The following ZFHX4 variants were observed in gnomAD, a reference collection of about 807,000 sequenced individuals.
The protein encoded by ZFHX4 is zinc finger homeobox protein 4.
Under a neutral mutation model 267.6 loss-of-function variants are expected in ZFHX4, and 56 were observed. The ratio of observed to expected loss-of-function variants is 0.21; its 90% CI spans 0.17 to 0.26. The LOEUF (loss-of-function observed/expected upper bound fraction) is 0.26. Ranked by LOEUF, ZFHX4 falls within the 10% of genes least tolerant of loss-of-function variation. ZFHX4 has a pLI of 1.00. For synonymous variants in ZFHX4, 1,778 were observed against 1,665.6 expected (o/e 1.07, Z -1.64); for missense variants, 4,332 against 4,420.0 (o/e 0.98, Z 0.56).
chr8:76,784,499 C>A (rs1255757373), intron 4 of ZFHX4, among the ~76,000 whole-genome samples: 3 of 151,950 alleles, frequency 2.0e-5, no homozygotes, highest in Non-Finnish European at 2.9e-5. Flanking sequence ...ATTGCTCTAG[C>A]CATGGGTGAT....
chr8:76,861,161 G>T (rs1313798399), intron 10 of ZFHX4, among the ~76,000 whole-genome samples: 2 of 152,086 alleles, frequency 1.3e-5, no homozygotes, highest in African/African-American at 2.4e-5. Flanking sequence ...TAATGTGTGA[G>T]CCATTCTTCA....
chr8:76,792,976 G>A (rs535379720), intron 4 of ZFHX4, among the ~76,000 whole-genome samples: 5 of 152,266 alleles, frequency 3.3e-5, no homozygotes, highest in East Asian at 3.9e-4. Flanking sequence ...CCACATTGCC[G>A]TGGGGCCTTA....
At chr8:76,850,069 C>A in intron 8 of ZFHX4, 176 bp from the exon 9 acceptor site, 1 of 596,744 alleles carries the variant, frequency 1.7e-6, no homozygotes, top group Non-Finnish European at 3.0e-6. Context: ...TACAACATTG[C>A]CACAGCATTG....
chr8:76,836,931 T>A (rs910596274), intron 5 of ZFHX4, among the ~76,000 whole-genome samples: 1 of 152,034 alleles, frequency 6.6e-6, no homozygotes, highest in African/African-American at 2.4e-5. Context: ...ATAGGATGCA[T>A]ATGAATGGGA....
intron 4 of ZFHX4, among the ~76,000 whole-genome samples, chr8:76,814,797 C>A (rs1304621358): frequency 6.6e-6 from 1 of 152,072 alleles, no homozygotes; most frequent in East Asian, 1.9e-4. Context: ...TCAGAACTTC[C>A]TAGGTCCATT....
chr8:76,708,172 C>G (rs771739008), intron 3 of ZFHX4, 124 bp downstream of exon 3: 4 of 1,187,272 alleles, frequency 3.4e-6, no homozygotes, highest in Non-Finnish European at 4.8e-6. Context: ...GGGCAGGGGG[C>G]ACAGTTTCTG....
intron 3 of ZFHX4, among the ~76,000 whole-genome samples, chr8:76,753,975 G>A (rs767406761): frequency 6.6e-6 from 1 of 152,060 alleles, no homozygotes; most frequent in South Asian, 2.1e-4. Context: ...GATAGTTAAC[G>A]CTTTGGAATC....
intron 3 of ZFHX4, among the ~76,000 whole-genome samples, chr8:76,752,601 G>A (rs1405997204): frequency 6.6e-6 from 1 of 151,888 alleles, no homozygotes; most frequent in Non-Finnish European, 1.5e-5. Flanking sequence ...AACCTTGAAG[G>A]CAGAGGCTGC....
chr8:76,687,518 T>A (rs1438861758), intron 1 of ZFHX4, among the ~76,000 whole-genome samples: 1 of 152,140 alleles, frequency 6.6e-6, no homozygotes, highest in Non-Finnish European at 1.5e-5. Context: ...CCAGAGTGAG[T>A]CTCATTCTTT....
chr8:76,735,153 T>C lies in ZFHX4; in HGVS notation c.3093+27105T>C, dbSNP rs147270988. Among the ~76,000 whole-genome samples, 666 of 152,264 alleles carry C rather than the reference T, an allele frequency of 4.4e-3. 11 individuals are homozygous for C. Among genetic ancestry groups the C allele is most frequent in the African/African-American group, 0.015 (620 of 41,578 alleles). On this transcript the variant is annotated intron_variant, in intron 3 of 10. Coordinates refer to ENST00000651372, the MANE Select transcript of ZFHX4 (RefSeq NM_024721.5). ...GAAGAAATTTGATCTTTTACAAGTG[T>C]ATGCTATTCTGCCATTCCATTATGC...
At chr8:76,823,853 T>C (rs1313133588) in intron 4 of ZFHX4, among the ~76,000 whole-genome samples, 4 of 152,216 alleles carry the variant, frequency 2.6e-5, no homozygotes, top group African/African-American at 7.2e-5. Context: ...ATTTCTCCCA[T>C]GTATACAATT....
rs183665267 is a variant in ZFHX4 at position 76,852,741 on chromosome 8, C to T, written c.5820C>T (p.Gly1940=). The T allele has an allele frequency of 3.6e-4, 578 of 1,613,584 alleles. 1 individual carries two copies. The African/African-American group carries it at 6.0e-3, about 17-fold the overall frequency. The change falls in exon 10 of 11, where the codon GGC becomes GGT. Residue 1940 remains glycine (G), a synonymous_variant. Coordinates refer to ENST00000651372, the MANE Select transcript of ZFHX4 (RefSeq NM_024721.5). The part of the protein sequence containing the change: ...KVQKKGKSGE[G]ENTDKLECGT... ...AGAAGAAGGGCAAAAGTGGTGAAGG[C>T]GAAAACACTGACAAACTAGAATGTG...
chr8:76,711,604 C>T (rs1808426215), intron 3 of ZFHX4, among the ~76,000 whole-genome samples: 1 of 152,076 alleles, frequency 6.6e-6, no homozygotes, highest in African/African-American at 2.4e-5. Context: ...AATTGGTTCT[C>T]AATAAATATT....
At chr8:76,684,809 A>T (rs141371831) in intron 1 of ZFHX4, among the ~76,000 whole-genome samples, 2 of 152,336 alleles carry the variant, frequency 1.3e-5, no homozygotes, top group African/African-American at 4.8e-5. Flanking sequence ...AGCTAGTTGG[A>T]TTATTTTAAA....
chr8:76,811,217 C>T (rs762474163), intron 4 of ZFHX4, among the ~76,000 whole-genome samples: 1 of 152,186 alleles, frequency 6.6e-6, no homozygotes, highest in Non-Finnish European at 1.5e-5. Context: ...AGTTTTTCTG[C>T]CTCTGTGAGG....
intron 4 of ZFHX4, among the ~76,000 whole-genome samples, chr8:76,786,251 C>A (rs1336808085): frequency 1.3e-5 from 2 of 151,830 alleles, no homozygotes; most frequent in East Asian, 3.9e-4. Flanking sequence ...CCATGATAAT[C>A]CCCTGCTATT....
chr8:76,765,189 G>T (rs1397661103), intron 3 of ZFHX4, among the ~76,000 whole-genome samples: 1 of 152,062 alleles, frequency 6.6e-6, no homozygotes, highest in Admixed American at 6.6e-5. Context: ...TGTGTTAAAG[G>T]TGCTTGAGAA....
At position 76,850,784 on chromosome 8, in the gene ZFHX4, A is replaced by T. The variant is rs911919586; in HGVS notation, c.3965-102A>T. On this transcript the variant is annotated intron_variant, in intron 9 of 10. Coordinates refer to ENST00000651372, the MANE Select transcript of ZFHX4 (RefSeq NM_024721.5). ...CAGTAAACATTTATTCAAACAATTA[A>T]TTAAGCAGAAGCCTTTAGAGGCTAC... 3.1e-5 allele frequency: 40 copies of T among 1,302,448 alleles called. No homozygotes were observed. In the African/African-American group the frequency reaches 5.8e-4, roughly 19 times the overall value. The allele number at this position is 1,302,448 out of a possible 1,614,324, so 80.7% of individuals were successfully genotyped here.
At position 76,863,970 on chromosome 8, in the gene ZFHX4, T is replaced by A; in HGVS notation, c.10256T>A (p.Val3419Glu). ...ATGTTTACTGATGAAGACGCCGCAG[T>A]AAATCATCAAAAGTCCTTCTGTTAT... ...QMMFTDEDAAVNHQKSFCYFG... is the reference protein window; with the variant it reads ...QMMFTDEDAAENHQKSFCYFG... The change falls in exon 11 of 11, where the codon GTA (valine) becomes GAA (glutamate). Residue 3419 changes from valine to glutamate, a missense_variant. Physicochemically the swap from Val to Glu is moderately radical, Grantham distance 121. This residue lies in a region of ZFHX4 where 1,648 missense variants were observed against 1,625.0 expected (regional missense o/e 1.01). Coordinates refer to ENST00000651372, the MANE Select transcript of ZFHX4 (RefSeq NM_024721.5). The A allele has an allele frequency of 6.2e-7, 1 of 1,612,910 alleles. No homozygotes were observed.
Sources: gnomAD v4.1 joint callset for allele counts (sites outside exome capture counted in the v4.1 genomes callset) on GRCh38, gnomAD v4.1.1 for gene constraint, gnomAD v4.1.1 regional missense constraint, MANE v1.5 for transcripts, NCBI Gene and HGNC (gene_info 2026-07-23, HGNC 2026-07-21) for gene names.